PCDHGA7: variants seen among roughly 807,000 people sequenced by gnomAD.
The protein encoded by PCDHGA7 is protocadherin gamma-A7.
PCDHGA7 carries 44 observed loss-of-function variants against 58.3 expected under a neutral mutation model. That is an observed-to-expected ratio of 0.75 (90% CI 0.59 to 0.97). The LOEUF (loss-of-function observed/expected upper bound fraction) is 0.97, where lower values mean the gene tolerates loss of function less well. Among genes scored for constraint, PCDHGA7 ranks in the 50% least tolerant of loss-of-function variants. The pLI, the probability that PCDHGA7 is intolerant of heterozygous loss-of-function variation, is 0.00. For synonymous variants in PCDHGA7, 516 were observed against 504.2 expected (o/e 1.02, Z -0.31); for missense variants, 1,266 against 1,188.7 (o/e 1.06, Z -0.96).
chr5:141,489,084 C>G lies in PCDHGA7; in HGVS notation c.2425-5723C>G. ...CTCCCCCCTGCCCACCCCCGCCACT[C>G]GGTGACTAAGAACTGCTGCAAGCAG... On this transcript the variant is annotated intron_variant, in intron 1 of 3. Transcript: ENST00000518325. This position sits in a 1 kb window ranked among gnomAD's most constrained non-coding sequence, Gnocchi z 4.5. 6.1e-6 allele frequency: 2 copies of G among 329,126 alleles called. No homozygotes were observed. The highest frequency in any genetic ancestry group is 2.5e-5 in the African/African-American group (1 of 40,384). 20.4% of individuals were successfully genotyped at this position (329,126 alleles called of 1,614,324 possible). A position where few individuals can be genotyped will look rare whatever the true frequency, so the allele number is the denominator to read the frequency against.
chr5:141,456,746 T>C (rs548254725), intron 1 of PCDHGA7, among the ~76,000 whole-genome samples: 51 of 151,874 alleles, frequency 3.4e-4, no homozygotes, highest in African/African-American at 1.0e-3. Context: ...GGGAGCATCA[T>C]GAGGTCAGGA....
chr5:141,444,376 G>A (rs977995642), intron 1 of PCDHGA7, among the ~76,000 whole-genome samples: 1 of 151,796 alleles, frequency 6.6e-6, no homozygotes, highest in Non-Finnish European at 1.5e-5. Flanking sequence ...TCTCCATGTT[G>A]GTCAGGCTAG....
At chr5:141,407,964 C>G in intron 1 of PCDHGA7, 1 of 683,628 alleles carries the variant, frequency 1.5e-6, no homozygotes, top group Non-Finnish European at 2.3e-6. Context: ...GCAGAGCAAG[C>G]GCTGACGCCG....
rs576983336 is a variant in PCDHGA7, at chr5:141,489,165, G to A, written c.2425-5642G>A. 5.8e-4 allele frequency: 625 copies of A among 1,082,080 alleles called. 8 individuals are homozygous for A. The South Asian group carries it at 7.9e-3, about 14-fold the overall frequency. The allele number at this position is 1,082,080 out of a possible 1,614,324, so 67.0% of individuals were successfully genotyped here. On this transcript the variant is annotated intron_variant, in intron 1 of 3. Transcript: ENST00000518325. The surrounding 1 kb of genome is among the most constrained non-coding windows in gnomAD (Gnocchi z 4.5). ...GAAGGAGACATAAGAGACTTCAGCT[G>A]CTGCATTCCAAGCCCTGGGTCTACC...
In PCDHGA7 at chr5:141,487,160, G is replaced by A. The variant is rs1188929436; in HGVS notation, c.2425-7647G>A. 5.0e-6 allele frequency: 8 copies of A among 1,613,830 alleles called. No homozygotes were observed. The highest frequency in any genetic ancestry group is 5.1e-6 in the Non-Finnish European group (6 of 1,179,840). ...ACTCTCTACCTCTGTTACTCTCTTA[G>A]TGTCCTTAGAGGAAGACACTCATCC... On this transcript the variant is annotated intron_variant, in intron 1 of 3. Transcript: ENST00000518325. The surrounding 1 kb of genome is among the most constrained non-coding windows in gnomAD (Gnocchi z 5.0).
At chr5:141,389,997 A>T (rs1278035747) in intron 1 of PCDHGA7, 1 of 1,613,962 alleles carries the variant, frequency 6.2e-7, no homozygotes, top group Non-Finnish European at 8.5e-7. Flanking sequence ...CCTCGTGGCC[A>T]TGATTCTGGC....
chr5:141,457,680 G>A lies in PCDHGA7; in HGVS notation c.2425-37127G>A, dbSNP rs866876250. 2.6e-5 allele frequency among the ~76,000 whole-genome samples: 4 copies of A among 152,290 alleles called. No individual in the cohort carries two copies. The South Asian group carries it at 8.3e-4, about 32-fold the overall frequency. On this transcript the variant is annotated intron_variant, in intron 1 of 3. Coordinates refer to ENST00000518325, the MANE Select transcript of PCDHGA7 (RefSeq NM_018920.4). The stretch of plus-strand genomic sequence containing the variant: ...AGCAAGAATGGTTATTTCTACATAG[G>A]ACTTTTGGATTGGCTTTGATGAAAC...
At chr5:141,423,620 C>A in intron 1 of PCDHGA7, 1 of 1,608,268 alleles carries the variant, frequency 6.2e-7, no homozygotes, top group Non-Finnish European at 8.5e-7. Flanking sequence ...GCTGAAGACT[C>A]AGCTATCATT....
chr5:141,412,987 A>C lies in PCDHGA7; in HGVS notation c.2424+27664A>C, dbSNP rs192699644. Reference sequence around the variant, plus strand: ...AGGAGAGAAAACGCAGCCAGAGCTCAATCCGGATTCTCAGGGCTTCAACTA... The same window carrying C: ...AGGAGAGAAAACGCAGCCAGAGCTCCATCCGGATTCTCAGGGCTTCAACTA... On this transcript the variant is annotated intron_variant, in intron 1 of 3. Transcript: ENST00000518325. The C allele has an allele frequency of 5.3e-6, 3 of 564,534 alleles. No homozygotes were observed. In the African/African-American group the frequency reaches 5.7e-5, roughly 11 times the overall value. The allele number at this position is 564,534 out of a possible 1,614,324, so 35.0% of individuals were successfully genotyped here.
intron 1 of PCDHGA7, among the ~76,000 whole-genome samples, chr5:141,442,846 C>T (rs1489647686): frequency 2.6e-5 from 4 of 152,234 alleles, no homozygotes; most frequent in Non-Finnish European, 4.4e-5. Context: ...AAATCTTGGC[C>T]ATTGTAGTAT....
chr5:141,389,314 C>T (rs2091698838), intron 1 of PCDHGA7: 2 of 1,613,880 alleles, frequency 1.2e-6, no homozygotes, highest in Non-Finnish European at 8.5e-7. Context: ...GCTTCTGATC[C>T]GGACTTGGGG....
intron 1 of PCDHGA7, among the ~76,000 whole-genome samples, chr5:141,488,854 A>G (rs923370040): frequency 1.3e-5 from 2 of 152,226 alleles, no homozygotes; most frequent in Admixed American, 1.3e-4. Context: ...AACCTGCAGC[A>G]CGAAGTGAGT....
At chr5:141,509,077 C>A (rs1371396735) in intron 3 of PCDHGA7, among the ~76,000 whole-genome samples, 3 of 152,242 alleles carry the variant, frequency 2.0e-5, no homozygotes, top group Admixed American at 2.0e-4. Flanking sequence ...CGGGGATTTG[C>A]GACATGAAAT....
intron 1 of PCDHGA7, chr5:141,404,186 C>T (rs767632448): frequency 3.1e-6 from 5 of 1,613,084 alleles, no homozygotes; most frequent in Non-Finnish European, 4.2e-6. Flanking sequence ...AATTCTTGAC[C>T]GAGAAAAAGC....
chr5:141,422,330 C>A, intron 1 of PCDHGA7: 1 of 1,548,166 alleles, frequency 6.5e-7, no homozygotes. Flanking sequence ...ACAGTGATTG[C>A]TCTTCTAAAT....
At chr5:141,430,653 A>G (rs2097300223) in intron 1 of PCDHGA7, 4 of 1,073,410 alleles carry the variant, frequency 3.7e-6, no homozygotes, top group Middle Eastern at 2.4e-4. Context: ...TGTGGAAACA[A>G]CGGAGGAGCT....
At chr5:141,415,574 A>G (rs1168111069) in intron 1 of PCDHGA7, 3 of 1,614,066 alleles carry the variant, frequency 1.9e-6, no homozygotes, top group Non-Finnish European at 8.5e-7. Flanking sequence ...TTGTTAGATG[A>G]TTCGAAGTTT....
intron 1 of PCDHGA7, among the ~76,000 whole-genome samples, chr5:141,468,798 G>A (rs895012127): frequency 7.9e-5 from 12 of 151,646 alleles, no homozygotes; most frequent in East Asian, 2.0e-4. Context: ...CCCGGGAGGC[G>A]GAACTTGCAG....
Position 141,400,542 on chromosome 5 carries a change from C to G in PCDHGA7, c.2424+15219C>G, listed in dbSNP as rs373097307. On this transcript the variant is annotated intron_variant, in intron 1 of 3. Transcript: ENST00000518325. ...CTGAGTTGGTGAGTTTCATTTATGT[C>G]TATTCTTTTTCATTACCCACCCAAT... 5.6e-6 allele frequency: 9 copies of G among 1,613,628 alleles called. No individual in the cohort carries two copies. In the African/African-American group the frequency reaches 8.0e-5, roughly 14 times the overall value.
Sources: gnomAD v4.1 joint callset for allele counts (sites outside exome capture counted in the v4.1 genomes callset) on GRCh38, gnomAD v4.1.1 for gene constraint, Gnocchi (gnomAD v3.1) non-coding constraint, MANE v1.5 for transcripts, NCBI Gene and HGNC (gene_info 2026-07-23, HGNC 2026-07-21) for gene names.